The following SRGAP1 variants were observed in gnomAD, a reference collection of about 807,000 sequenced individuals.
The protein encoded by SRGAP1 is SLIT-ROBO Rho GTPase activating protein 1, also known as SLIT-ROBO Rho GTPase-activating protein 1.
In SRGAP1, 43 loss-of-function variants were observed where a neutral mutation model predicts 121.9. The observed-to-expected ratio is 0.35, with a 90% CI of 0.28 to 0.46. The LOEUF is 0.46. Among genes scored for constraint, SRGAP1 ranks in the 20% least tolerant of loss-of-function variants. SRGAP1 has a pLI of 1.00. For synonymous variants in SRGAP1, 447 were observed against 485.4 expected (o/e 0.92, Z 1.04); for missense variants, 1,102 against 1,350.9 (o/e 0.82, Z 2.89).
chr12:64,157,101 A>C lies in SRGAP1; in HGVS notation c.*14429A>C, dbSNP rs2037169964. On this transcript the variant is annotated 3_prime_UTR_variant, in exon 22 of 22. Transcript: ENST00000355086. ...AGTACACACGCCTTCCCATAGAGTG[A>C]GGTGGCTTTCCCACCCCTCAACACT... 1 of 152,154 alleles carries C rather than the reference A, an allele frequency of 6.6e-6. No homozygotes were observed. Among genetic ancestry groups the C allele is most frequent in the Admixed American group, 6.6e-5 (1 of 15,262 alleles). 9.4% of individuals were successfully genotyped at this position (152,154 alleles called of 1,614,324 possible). A position where few individuals can be genotyped will look rare whatever the true frequency, so the allele number is the denominator to read the frequency against.
In SRGAP1 at chr12:64,087,045, A is replaced by G; in HGVS notation, c.1436+19A>G. On this transcript the variant is annotated intron_variant, in intron 11 of 21. Coordinates refer to ENST00000355086, the MANE Select transcript of SRGAP1 (RefSeq NM_020762.4). The stretch of plus-strand genomic sequence containing the variant: ...CTACAAGGTAGGAAAATATTTTATC[A>G]TAACTTATAGCGTATTTTACTTTCT... 12 of 1,568,226 alleles carry G rather than the reference A, an allele frequency of 7.7e-6. No homozygotes were observed. Among genetic ancestry groups the G allele is most frequent in the South Asian group, 1.2e-5 (1 of 85,490 alleles).
chr12:64,065,086 C>T (rs1236039249), intron 7 of SRGAP1, 32 bp from the exon 8 acceptor site: 1 of 1,562,116 alleles, frequency 6.4e-7, no homozygotes, highest in East Asian at 2.3e-5. Flanking sequence ...TTGATGGTGC[C>T]CTGTTGTAAC....
chr12:63,912,361 A>G (rs1386261445), intron 1 of SRGAP1, among the ~76,000 whole-genome samples: 1 of 152,206 alleles, frequency 6.6e-6, no homozygotes, highest in African/African-American at 2.4e-5. Context: ...TAATCCCAGC[A>G]CTTTGAGCAG....
At chr12:64,104,192 G>A (rs2036303100) in intron 15 of SRGAP1, among the ~76,000 whole-genome samples, 1 of 152,134 alleles carries the variant, frequency 6.6e-6, no homozygotes, top group Admixed American at 6.5e-5. Context: ...TGTGTTTTAT[G>A]GTAAATTTTT....
intron 6 of SRGAP1, among the ~76,000 whole-genome samples, chr12:64,054,336 C>G (rs2035297641): frequency 6.6e-6 from 1 of 152,194 alleles, no homozygotes; most frequent in African/African-American, 2.4e-5. Flanking sequence ...AATTAGATTA[C>G]ATCATATATT....
At position 64,127,734 on chromosome 12, in the gene SRGAP1, G is replaced by A. The variant is rs1171321323; in HGVS notation, c.2540+10G>A. 11 of 1,613,494 alleles carry A rather than the reference G, an allele frequency of 6.8e-6. No individual in the cohort carries two copies. The highest frequency in any genetic ancestry group is 2.2e-5 in the South Asian group (2 of 90,998). On this transcript the variant is annotated intron_variant, in intron 20 of 21. Transcript: ENST00000355086. ...ACGGCTATTTAGCCAGGTAAGTAGA[G>A]CCTGGGAATCAGGCCCCTAAGCCTC... is the stretch of plus-strand genomic sequence containing the variant.
intron 21 of SRGAP1, among the ~76,000 whole-genome samples, chr12:64,138,023 A>G (rs1223421514): frequency 6.6e-6 from 1 of 151,222 alleles, no homozygotes; most frequent in Non-Finnish European, 1.5e-5. Flanking sequence ...TTTTAAATGT[A>G]TAGTTCAGAA....
intron 1 of SRGAP1, among the ~76,000 whole-genome samples, chr12:63,955,087 G>T (rs931585742): frequency 6.6e-6 from 1 of 152,214 alleles, no homozygotes; most frequent in Non-Finnish European, 1.5e-5. Flanking sequence ...GGAGCCCGAG[G>T]TGGGCGGATC....
At chr12:63,920,553 A>G (rs73317308) in intron 1 of SRGAP1, among the ~76,000 whole-genome samples, 6,831 of 152,232 alleles carry the variant, frequency 0.045, 387 homozygotes, top group African/African-American at 0.13. Context: ...GAGGAATGTG[A>G]TTTGATTAAT....
chr12:64,138,387 C>T (rs1442534588), intron 21 of SRGAP1, among the ~76,000 whole-genome samples: 2 of 151,436 alleles, frequency 1.3e-5, no homozygotes, highest in Non-Finnish European at 2.9e-5. Context: ...GGGCACACTC[C>T]ACCTTTTTGA....
At chr12:63,904,763 C>T (rs1422450532) in intron 1 of SRGAP1, among the ~76,000 whole-genome samples, 2 of 152,166 alleles carry the variant, frequency 1.3e-5, no homozygotes, top group South Asian at 2.1e-4. Context: ...AGACCCCCAT[C>T]TCTACAAATA....
intron 6 of SRGAP1, among the ~76,000 whole-genome samples, chr12:64,061,051 T>C (rs1284000074): frequency 1.3e-5 from 2 of 152,202 alleles, no homozygotes; most frequent in African/African-American, 2.4e-5. Context: ...TGATTTATAC[T>C]GCTTTTATGT....
At chr12:63,940,740 G>A (rs566456024) in intron 1 of SRGAP1, among the ~76,000 whole-genome samples, 30 of 152,274 alleles carry the variant, frequency 2.0e-4, no homozygotes, top group Admixed American at 1.1e-3. Context: ...TTGTGCCTCC[G>A]TTTGTTTCTT....
chr12:63,986,264 A>G (rs544570145), intron 2 of SRGAP1, among the ~76,000 whole-genome samples: 15 of 151,960 alleles, frequency 9.9e-5, no homozygotes, highest in African/African-American at 3.4e-4. Context: ...ATAAAAATAA[A>G]TCTTAATGAT....
chr12:63,867,650 T>G (rs1462827486), intron 1 of SRGAP1, among the ~76,000 whole-genome samples: 1 of 152,148 alleles, frequency 6.6e-6, no homozygotes, highest in Non-Finnish European at 1.5e-5. Flanking sequence ...AGATCATACC[T>G]TCAAAGAGCT....
intron 1 of SRGAP1, among the ~76,000 whole-genome samples, chr12:63,892,730 AAGCC>A (rs1900627671): frequency 2.0e-5 from 3 of 152,172 alleles, no homozygotes; most frequent in Admixed American, 2.0e-4. Flanking sequence ...TCTCCACTCT[AAGCC>A]AGCATTATGA....
intron 4 of SRGAP1, chr12:64,032,518 C>CT: frequency 8.3e-7 from 1 of 1,209,348 alleles, no homozygotes; most frequent in Non-Finnish European, 1.2e-6. Context: ...TGGAGCAGGC[C>CT]TGGGCCAGCA....
intron 1 of SRGAP1, among the ~76,000 whole-genome samples, chr12:63,914,604 C>T (rs571778651): frequency 6.6e-6 from 1 of 152,276 alleles, no homozygotes; most frequent in South Asian, 2.1e-4. Flanking sequence ...CCTTGTATCA[C>T]GTTGCCACTG....
intron 3 of SRGAP1, among the ~76,000 whole-genome samples, chr12:64,011,705 T>C (rs1196793924): frequency 6.6e-6 from 1 of 152,196 alleles, no homozygotes; most frequent in Non-Finnish European, 1.5e-5. Flanking sequence ...GTAGTTGTTA[T>C]GAATCAAATT....
Sources: allele counts gnomAD v4.1 joint callset (sites outside exome capture counted in the v4.1 genomes callset), GRCh38; gene constraint gnomAD v4.1.1; transcripts MANE v1.5; gene names NCBI Gene and HGNC (gene_info 2026-07-23, HGNC 2026-07-21).